The following ARHGAP44 variants were observed in gnomAD, a reference collection of about 807,000 sequenced individuals.
The protein encoded by ARHGAP44 is rho GTPase-activating protein 44.
ARHGAP44 carries 43 observed loss-of-function variants against 106.8 expected under a neutral mutation model. That is an observed-to-expected ratio of 0.40 (90% CI 0.32 to 0.52). The LOEUF (loss-of-function observed/expected upper bound fraction) is 0.52, where lower values mean the gene tolerates loss of function less well. Ranked by LOEUF, ARHGAP44 falls within the 20% of genes least tolerant of loss-of-function variation. The pLI is 0.48. For synonymous variants in ARHGAP44, 439 were observed against 410.3 expected, an observed-to-expected ratio of 1.07 and a Z score of -0.85; for missense variants, 866 against 1,050.5, an observed-to-expected ratio of 0.82 and a Z score of 2.43.
intron 7 of ARHGAP44, among the ~76,000 whole-genome samples, chr17:12,939,757 C>G (rs145076715): frequency 6.6e-6 from 1 of 152,332 alleles, no homozygotes; most frequent in East Asian, 1.9e-4. Context: ...TGAGCCACCA[C>G]GCCCGGCCAA....
At chr17:12,989,101 C>CCCCAAAAAAA (rs1598173210) in intron 20 of ARHGAP44, among the ~76,000 whole-genome samples, 1 of 45,158 alleles carries the variant, frequency 2.2e-5, no homozygotes, top group Non-Finnish European at 4.0e-5. Flanking sequence ...CCACCCCCCC[C>CCCCAAAAAAA]AAAAAAAAAA....
At chr17:12,803,155 A>G (rs984495774) in intron 1 of ARHGAP44, among the ~76,000 whole-genome samples, 1 of 150,838 alleles carries the variant, frequency 6.6e-6, no homozygotes, top group Non-Finnish European at 1.5e-5. Context: ...TATTTTTAGT[A>G]GAGACAGGAT....
At chr17:12,880,825 A>G (rs1443148392) in intron 1 of ARHGAP44, among the ~76,000 whole-genome samples, 1 of 152,162 alleles carries the variant, frequency 6.6e-6, no homozygotes, top group East Asian at 1.9e-4. Flanking sequence ...AAATAATGAC[A>G]TTGTTTTCTA....
chr17:12,956,067 GAGCACCA>G, intron 14 of ARHGAP44, 87 bp downstream of exon 14: 1 of 893,704 alleles, frequency 1.1e-6, no homozygotes, highest in Non-Finnish European at 1.8e-6. Flanking sequence ...GGGCCTAGCT[GAGCACCA>G]GCCTCATGTA....
At chr17:12,802,000 G>A (rs1167965988) in intron 1 of ARHGAP44, among the ~76,000 whole-genome samples, 2 of 152,126 alleles carry the variant, frequency 1.3e-5, no homozygotes, top group African/African-American at 4.8e-5. Context: ...GTACAAATAT[G>A]TTTCCAGTTG....
At chr17:12,987,347 T>C (rs1002501018) in intron 20 of ARHGAP44, 8 of 491,122 alleles carry the variant, frequency 1.6e-5, no homozygotes, top group East Asian at 9.6e-5. Flanking sequence ...CTGGCCTCCT[T>C]TTCTTTCTTT....
intron 1 of ARHGAP44, among the ~76,000 whole-genome samples, chr17:12,848,487 A>G (rs930512374): frequency 2.0e-5 from 3 of 152,202 alleles, no homozygotes. Context: ...AAATATGAGT[A>G]TCCTTTGAAG....
chr17:12,961,816 C>G (rs1026977874), intron 16 of ARHGAP44, among the ~76,000 whole-genome samples: 1 of 152,076 alleles, frequency 6.6e-6, no homozygotes, highest in Non-Finnish European at 1.5e-5. Context: ...AGCATCTGTG[C>G]GTACGTTTTA....
At chr17:12,814,759 C>A (rs1216921099) in intron 1 of ARHGAP44, among the ~76,000 whole-genome samples, 1 of 152,180 alleles carries the variant, frequency 6.6e-6, no homozygotes, top group Non-Finnish European at 1.5e-5. Flanking sequence ...CACTCCTCCA[C>A]TGGGTGTACT....
chr17:12,926,102 C>T lies in ARHGAP44; in HGVS notation c.465-2827C>T, dbSNP rs375996448. On this transcript the variant is annotated intron_variant, in intron 6 of 20. Transcript: ENST00000379672. ...AAAATAGACCAGGCACGGTGGCTCA[C>T]GCCTATAATCCCAGCACTTTGGGAG... Among the ~76,000 whole-genome samples the T allele has an allele frequency of 5.3e-5, 8 of 152,078 alleles. No homozygotes were observed. In the East Asian group the frequency reaches 9.6e-4, roughly 18 times the overall value.
At chr17:12,894,615 G>A (rs1489886642) in intron 1 of ARHGAP44, among the ~76,000 whole-genome samples, 1 of 152,096 alleles carries the variant, frequency 6.6e-6, no homozygotes, top group Non-Finnish European at 1.5e-5. Flanking sequence ...ATTTGGGGGA[G>A]GCCAAGCGTT....
intron 13 of ARHGAP44, among the ~76,000 whole-genome samples, chr17:12,954,062 GTT>G (rs79278587): frequency 2.9e-5 from 4 of 139,778 alleles, no homozygotes; most frequent in African/African-American, 2.6e-5. Flanking sequence ...TAATTTTTGT[GTT>G]TTTTTTTTTT....
intron 17 of ARHGAP44, 133 bp from the exon 18 acceptor site, chr17:12,973,956 C>A: frequency 2.0e-6 from 2 of 975,688 alleles, no homozygotes; most frequent in Non-Finnish European, 3.1e-6. Context: ...CAATGCATCG[C>A]TTCCCGGGCC....
intron 1 of ARHGAP44, 26 bp downstream of exon 1, chr17:12,789,917 C>A: frequency 1.3e-6 from 2 of 1,505,114 alleles, no homozygotes; most frequent in Admixed American, 2.3e-5. Flanking sequence ...GCACCGCTGT[C>A]GGTGCGCGCC....
intron 1 of ARHGAP44, among the ~76,000 whole-genome samples, chr17:12,893,459 G>A (rs921342309): frequency 5.3e-5 from 8 of 152,176 alleles, no homozygotes; most frequent in Non-Finnish European, 8.8e-5. Context: ...CCACATGGGC[G>A]TGGGTGTCCA....
In ARHGAP44 at chr17:12,887,959, G is replaced by A. The variant is rs540376627; in HGVS notation, c.54-6981G>A. ...AAGGCATCCTTTTGATTTCTGCAGG[G>A]TATGTTAATGATATTCCCTGCTTCA... On this transcript the variant is annotated intron_variant, in intron 1 of 20. Coordinates refer to ENST00000379672, the MANE Select transcript of ARHGAP44 (RefSeq NM_014859.6). Among the ~76,000 whole-genome samples, 26 of 151,656 alleles carry A rather than the reference G, an allele frequency of 1.7e-4. No homozygotes were observed. In the East Asian group the frequency reaches 5.0e-3, roughly 29 times the overall value.
At chr17:12,842,414 CAAAAA>C (rs558245390) in intron 1 of ARHGAP44, among the ~76,000 whole-genome samples, 1 of 56,424 alleles carries the variant, frequency 1.8e-5, no homozygotes, top group Non-Finnish European at 4.2e-5. Flanking sequence ...GAGACCATCT[CAAAAA>C]AAAAAAAAAA....
Position 12,949,510 on chromosome 17 carries a change from A to G in ARHGAP44, c.974-139A>G, listed in dbSNP as rs1350116618. ...CTGTCAGAGCCTCATACCCATTTCC[A>G]TAGGAAGCTACCATTTGCTGTTGAC... On this transcript the variant is annotated intron_variant, in intron 11 of 20. Transcript: ENST00000379672. The surrounding 1 kb of genome is among the most constrained non-coding windows in gnomAD (Gnocchi z 4.1). The G allele has an allele frequency of 3.1e-5, 25 of 800,304 alleles. No individual in the cohort carries two copies. The highest frequency in any genetic ancestry group is 4.4e-5 in the Non-Finnish European group (22 of 502,756). The allele number at this position is 800,304 out of a possible 1,614,324, so 49.6% of individuals were successfully genotyped here. A position where few individuals can be genotyped will look rare whatever the true frequency, so the allele number is the denominator to read the frequency against.
At position 12,868,946 on chromosome 17, in the gene ARHGAP44, C is replaced by T. The variant is rs181763806; in HGVS notation, c.54-25994C>T. ...CTGGGATTACAGGTGTGAGCCACCG[C>T]GCCCAACATATATATATATTAAAAA... On this transcript the variant is annotated intron_variant, in intron 1 of 20. Transcript: ENST00000379672. 2.3e-4 allele frequency among the ~76,000 whole-genome samples: 35 copies of T among 151,566 alleles called. 1 individual carries two copies. Among genetic ancestry groups the T allele is most frequent in the East Asian group, 1.8e-3 (9 of 5,098 alleles).
Sources: allele counts gnomAD v4.1 joint callset (sites outside exome capture counted in the v4.1 genomes callset), GRCh38; gene constraint gnomAD v4.1.1; non-coding constraint Gnocchi (gnomAD v3.1); transcripts MANE v1.5; gene names NCBI Gene and HGNC (gene_info 2026-07-23, HGNC 2026-07-21).